Variants in SPPL3 observed in about 807,000 individuals in gnomAD.
SPPL3 encodes signal peptide peptidase like 3.
SPPL3 carries 5 observed loss-of-function variants against 42.4 expected under a neutral mutation model. The observed-to-expected ratio is 0.12, with a 90% confidence interval of 0.06 to 0.25. The LOEUF is 0.25. SPPL3 is among the 10% of genes least tolerant of loss of function. SPPL3 has a pLI of 1.00. For missense variants in SPPL3, 235 were observed against 489.0 expected, an observed-to-expected ratio of 0.48 and a Z score of 4.90; for synonymous variants, 195 against 181.8, an observed-to-expected ratio of 1.07 and a Z score of -0.58.
intron 1 of SPPL3, among the ~76,000 whole-genome samples, chr12:120,893,558 T>C (rs1432192454): frequency 6.6e-6 from 1 of 152,068 alleles, no homozygotes; most frequent in Non-Finnish European, 1.5e-5. Flanking sequence ...CTTTATTTCT[T>C]TATGACCTAC....
chr12:120,846,752 T>C (rs999045377), intron 1 of SPPL3, among the ~76,000 whole-genome samples: 2 of 152,206 alleles, frequency 1.3e-5, no homozygotes, highest in Non-Finnish European at 2.9e-5. Flanking sequence ...GGAATAGAAG[T>C]AGTCATGTTT....
chr12:120,806,024 A>C (rs1434427048), intron 2 of SPPL3, among the ~76,000 whole-genome samples: 1 of 147,194 alleles, frequency 6.8e-6, no homozygotes, highest in Admixed American at 6.9e-5. Context: ...TTTTGGTAGA[A>C]ACTGACCAGC....
intron 1 of SPPL3, among the ~76,000 whole-genome samples, chr12:120,838,966 T>C (rs1301837315): frequency 1.3e-5 from 2 of 152,150 alleles, no homozygotes; most frequent in African/African-American, 4.8e-5. Context: ...CTCAGGGATC[T>C]AGAACTAGAA....
chr12:120,785,914 CAAAAAAA>C (rs11307959), intron 3 of SPPL3, among the ~76,000 whole-genome samples: 1 of 85,858 alleles, frequency 1.2e-5, no homozygotes, highest in Non-Finnish European at 2.4e-5. Context: ...GAGTCCAAGG[CAAAAAAA>C]AAAAAAAAAA....
chr12:120,777,369 C>T, intron 6 of SPPL3, among the ~76,000 whole-genome samples: 1 of 152,170 alleles, frequency 6.6e-6, no homozygotes, highest in East Asian at 1.9e-4. Context: ...TTGTATAACA[C>T]ATATTTTTAA....
At chr12:120,871,949 T>C (rs963312237) in intron 1 of SPPL3, among the ~76,000 whole-genome samples, 1 of 152,196 alleles carries the variant, frequency 6.6e-6, no homozygotes, top group South Asian at 2.1e-4. Context: ...TTTTGGAATA[T>C]TTGCATTACA....
intron 5 of SPPL3, 104 bp from the exon 6 acceptor site, chr12:120,782,871 C>A: frequency 1.2e-6 from 1 of 818,638 alleles, no homozygotes; most frequent in Non-Finnish European, 2.0e-6. Context: ...CAGATAATAC[C>A]AAGATAGCTG....
chr12:120,859,302 T>C (rs11065298), intron 1 of SPPL3, among the ~76,000 whole-genome samples: 1 of 151,962 alleles, frequency 6.6e-6, no homozygotes, highest in Non-Finnish European at 1.5e-5. Context: ...GCTCAAAAAG[T>C]TCTGCATTTT....
At chr12:120,801,226 TC>T (rs1870282867) in intron 2 of SPPL3, among the ~76,000 whole-genome samples, 1 of 152,208 alleles carries the variant, frequency 6.6e-6, no homozygotes, top group African/African-American at 2.4e-5. Context: ...TTCCATCTAT[TC>T]TCTCTCAGGG....
rs1869619045 is a variant in SPPL3 at position 120,783,724 on chromosome 12, A to G, written c.339T>C (p.Leu113=). 1.2e-6 allele frequency: 2 copies of G among 1,613,778 alleles called. No homozygotes were observed. Among genetic ancestry groups the G allele is most frequent in the Non-Finnish European group, 8.5e-7 (1 of 1,179,814 alleles). Residue 113 remains leucine (L), a synonymous_variant, in exon 5 of 11, where the codon CTT becomes CTC. Transcript: ENST00000353487. The part of the protein sequence containing the change: ...AVLATIAFAF[L]LLPMCQYLTR... ...TTAAATACTGGCACATCGGGAGGAGAAGAAAAGCAAAAGCTATCGTTGCAA... is the reference window on the plus strand; with the variant it reads ...TTAAATACTGGCACATCGGGAGGAGGAGAAAAGCAAAAGCTATCGTTGCAA...
intron 1 of SPPL3, among the ~76,000 whole-genome samples, chr12:120,820,677 T>C (rs542669453): frequency 3.3e-5 from 5 of 152,190 alleles, no homozygotes; most frequent in African/African-American, 1.2e-4. Flanking sequence ...CATTTCCCCA[T>C]ATTTTAAAGG....
chr12:120,904,033 G>A lies in SPPL3; in HGVS notation c.-166C>T, dbSNP rs1281605371. 2 of 492,666 alleles carry A rather than the reference G, an allele frequency of 4.1e-6. No individual in the cohort carries two copies. The highest frequency in any genetic ancestry group is 6.2e-6 in the Non-Finnish European group (2 of 324,994). 30.5% of individuals were successfully genotyped at this position (492,666 alleles called of 1,614,324 possible). On this transcript the variant is annotated 5_prime_UTR_variant, in exon 1 of 11. Coordinates refer to ENST00000353487, the MANE Select transcript of SPPL3 (RefSeq NM_139015.5). ...GCCGGGAAGGCGGCTGGCGGGGAGAGGCCGGGCTCCGAAGCGGCCCCGCTC... is the reference window on the plus strand; with the variant it reads ...GCCGGGAAGGCGGCTGGCGGGGAGAAGCCGGGCTCCGAAGCGGCCCCGCTC...
At chr12:120,802,295 T>C (rs142368429) in intron 2 of SPPL3, among the ~76,000 whole-genome samples, 1,880 of 151,280 alleles carry the variant, frequency 0.012, 35 homozygotes, top group Non-Finnish European at 0.016. Context: ...GGTCTGTATT[T>C]AGCTGGCAAC....
chr12:120,779,865 G>T (rs1869463951), intron 6 of SPPL3, among the ~76,000 whole-genome samples: 1 of 149,506 alleles, frequency 6.7e-6, no homozygotes, highest in South Asian at 2.1e-4. Context: ...AGGTGTGGTG[G>T]TGGGCACCTG....
chr12:120,766,071 G>A (rs531883841), intron 10 of SPPL3, among the ~76,000 whole-genome samples, 192 bp downstream of exon 10: 5 of 151,540 alleles, frequency 3.3e-5, no homozygotes, highest in African/African-American at 4.9e-5. Flanking sequence ...ATCTGGAAGC[G>A]TTTGCTAACG....
intron 9 of SPPL3, among the ~76,000 whole-genome samples, chr12:120,766,947 CT>C (rs1868932336): frequency 6.6e-6 from 1 of 152,236 alleles, no homozygotes; most frequent in African/African-American, 2.4e-5. Flanking sequence ...CAGGTTACTG[CT>C]TTTCCCAGCC....
chr12:120,812,304 G>C (rs977149890), intron 1 of SPPL3, among the ~76,000 whole-genome samples: 1 of 152,014 alleles, frequency 6.6e-6, no homozygotes, highest in African/African-American at 2.4e-5. Flanking sequence ...GCTAATTTTT[G>C]TATTTTTAGT....
intron 6 of SPPL3, among the ~76,000 whole-genome samples, chr12:120,780,632 A>T (rs1233932902): frequency 1.3e-5 from 2 of 151,388 alleles, no homozygotes; most frequent in African/African-American, 2.4e-5. Context: ...TCACGCCTGT[A>T]ATCCCAGAAC....
At chr12:120,823,875 A>ATTT (rs34258841) in intron 1 of SPPL3, among the ~76,000 whole-genome samples, 1 of 147,654 alleles carries the variant, frequency 6.8e-6, no homozygotes, top group Non-Finnish European at 1.5e-5. Flanking sequence ...TCACAAAGAC[A>ATTT]TTTTTTTTTT....
Sources: allele counts gnomAD v4.1 joint callset (sites outside exome capture counted in the v4.1 genomes callset), GRCh38; gene constraint gnomAD v4.1.1; transcripts MANE v1.5; gene names NCBI Gene and HGNC (gene_info 2026-07-23, HGNC 2026-07-21).